Variants in AHCTF1 observed in about 807,000 individuals in gnomAD.
The protein encoded by AHCTF1 is protein ELYS.
In AHCTF1, 24 loss-of-function variants were observed where a neutral mutation model predicts 248.4. The ratio of observed to expected loss-of-function variants is 0.10; its 90% CI spans 0.07 to 0.14. The LOEUF (loss-of-function observed/expected upper bound fraction) is 0.14, where lower values mean the gene tolerates loss of function less well. AHCTF1 is among the 10% of genes least tolerant of loss of function. The probability of loss-of-function intolerance (pLI) is 1.00; values close to 1 mark genes in which losing one functional copy is unlikely to be tolerated. For missense variants in AHCTF1, 2,206 were observed against 2,636.2 expected, an observed-to-expected ratio of 0.84 and a Z score of 3.57; for synonymous variants, 786 against 929.8, an observed-to-expected ratio of 0.85 and a Z score of 2.81.
chr1:246,850,143 C>G lies in AHCTF1; in HGVS notation c.5863G>C (p.Glu1955Gln). 1 of 1,613,930 alleles carries G rather than the reference C, an allele frequency of 6.2e-7. No homozygotes were observed. The highest frequency in any genetic ancestry group is 8.5e-7 in the Non-Finnish European group (1 of 1,179,858). Residue 1955 changes from glutamate to glutamine, a missense_variant, in exon 33 of 36, where the codon GAG becomes CAG. Around this residue, in one of 6 missense-constraint regions of AHCTF1, gnomAD observed 469 missense variants for 470.0 expected, o/e 1.00. Transcript: ENST00000648844. ...GCTTGAACAGTCAACTGAGATGACT[C>G]AAGGTTGGAGTCTTCTCTCACATCT... ...PSDVREDSNLESSQLTVQAEF... is the reference protein window; with the variant it reads ...PSDVREDSNLQSSQLTVQAEF...
intron 8 of AHCTF1, among the ~76,000 whole-genome samples, chr1:246,902,012 G>T (rs1305553543): frequency 3.9e-5 from 6 of 152,126 alleles, no homozygotes. Flanking sequence ...CTTTGCAAAA[G>T]GTCTAACTAG....
intron 1 of AHCTF1, 83 bp downstream of exon 1, chr1:246,931,495 C>CGCCGCT: frequency 1.8e-6 from 1 of 568,726 alleles, no homozygotes; most frequent in Non-Finnish European, 2.2e-6. Context: ...CCGCCGCCGC[C>CGCCGCT]GCCGCCGCCG....
At chr1:246,873,272 A>G (rs1282796858) in intron 24 of AHCTF1, among the ~76,000 whole-genome samples, 1 of 152,152 alleles carries the variant, frequency 6.6e-6, no homozygotes, top group African/African-American at 2.4e-5. Flanking sequence ...GTGATAAATC[A>G]CCATATAAAA....
In AHCTF1 at chr1:246,867,901, C is replaced by CCACACACACACA. The variant is rs1553291132; in HGVS notation, c.3089-102_3089-91dup. 1.3e-5 allele frequency: 4 copies of CCACACACACACA among 313,832 alleles called. No individual in the cohort carries two copies. In the African/African-American group the frequency reaches 1.9e-4, roughly 15 times the overall value. The allele number at this position is 313,832 out of a possible 1,614,324, so 19.4% of individuals were successfully genotyped here. On this transcript the variant is annotated intron_variant, in intron 24 of 35. Transcript: ENST00000648844. ...TGAAAGAATGATTACACCCCCCCCC[C>CCACACACACACA]CACACACACACACACACACATTACG...
intron 2 of AHCTF1, among the ~76,000 whole-genome samples, chr1:246,917,326 C>G (rs982479166): frequency 4.3e-4 from 65 of 152,124 alleles, no homozygotes; most frequent in Non-Finnish European, 4.1e-4. Context: ...CTTGAGCAAC[C>G]AGATGAATGG....
chr1:246,899,927 A>G, intron 10 of AHCTF1, 138 bp downstream of exon 10: 3 of 802,474 alleles, frequency 3.7e-6, no homozygotes, highest in Non-Finnish European at 5.8e-6. Flanking sequence ...TGTATATATT[A>G]ATTTCCTAAG....
At chr1:246,908,773 T>C (rs1481699285) in intron 4 of AHCTF1, among the ~76,000 whole-genome samples, 1 of 149,664 alleles carries the variant, frequency 6.7e-6, no homozygotes, top group Non-Finnish European at 1.5e-5. Context: ...CGTGCGCCTG[T>C]AGTCCCAGCT....
intron 21 of AHCTF1, among the ~76,000 whole-genome samples, chr1:246,885,083 G>C (rs1663720581): frequency 6.6e-6 from 1 of 152,100 alleles, no homozygotes; most frequent in Non-Finnish European, 1.5e-5. Context: ...TTTTATTCAA[G>C]GTATTTATCT....
chr1:246,873,287 A>T (rs999507457), intron 24 of AHCTF1, among the ~76,000 whole-genome samples: 4 of 152,232 alleles, frequency 2.6e-5, no homozygotes, highest in Non-Finnish European at 5.9e-5. Flanking sequence ...ATAAAAAAAT[A>T]GACTCTTTCT....
At chr1:246,887,547 G>A (rs1280911576) in intron 19 of AHCTF1, among the ~76,000 whole-genome samples, 190 bp from the exon 20 acceptor site, 3 of 152,062 alleles carry the variant, frequency 2.0e-5, no homozygotes, top group Non-Finnish European at 2.9e-5. Context: ...AACCAGTCCC[G>A]CACCAACTTC....
intron 24 of AHCTF1, among the ~76,000 whole-genome samples, chr1:246,871,108 C>T (rs1464423371): frequency 6.6e-6 from 1 of 152,140 alleles, no homozygotes; most frequent in African/African-American, 2.4e-5. Context: ...AATGCTAGGA[C>T]CACTAAAAAA....
At chr1:246,899,768 G>C (rs950306864) in intron 10 of AHCTF1, among the ~76,000 whole-genome samples, 1 of 151,874 alleles carries the variant, frequency 6.6e-6, no homozygotes, top group Non-Finnish European at 1.5e-5. Flanking sequence ...AAAAATAAAA[G>C]CTACTATAAA....
chr1:246,899,589 CAG>C, intron 10 of AHCTF1, 77 bp from the exon 11 acceptor site: 1 of 1,083,082 alleles, frequency 9.2e-7, no homozygotes, highest in Non-Finnish European at 1.4e-6. Context: ...TATCCAATAA[CAG>C]ACTGCAAGGC....
intron 24 of AHCTF1, 36 bp from the exon 25 acceptor site, chr1:246,867,847 C>T: frequency 6.6e-7 from 1 of 1,519,466 alleles, no homozygotes. Flanking sequence ...AAGTGCATCT[C>T]TAACAAACGG....
intron 1 of AHCTF1, among the ~76,000 whole-genome samples, chr1:246,924,002 A>C (rs1433872842): frequency 1.3e-5 from 2 of 151,196 alleles, no homozygotes; most frequent in Non-Finnish European, 3.0e-5. Context: ...GTAGAATATA[A>C]ATCTGGCAAA....
chr1:246,861,896 C>G, intron 28 of AHCTF1, 63 bp downstream of exon 28: 1 of 1,362,406 alleles, frequency 7.3e-7, no homozygotes, highest in Non-Finnish European at 1.0e-6. Flanking sequence ...TAACTTTTTA[C>G]TTGTCAGAGC....
At chr1:246,849,479 A>T in intron 33 of AHCTF1, 136 bp downstream of exon 33, 2 of 1,069,006 alleles carry the variant, frequency 1.9e-6, no homozygotes, top group Non-Finnish European at 2.7e-6. Context: ...TTTAAACTTT[A>T]CTACTAAAAG....
At chr1:246,898,142 T>C in intron 12 of AHCTF1, 66 bp downstream of exon 12, 1 of 1,586,606 alleles carries the variant, frequency 6.3e-7, no homozygotes, top group Non-Finnish European at 8.6e-7. Context: ...AATACATTTT[T>C]ACTGTAATAG....
chr1:246,850,132 C>G lies in AHCTF1; in HGVS notation c.5874G>C (p.Gln1958His), dbSNP rs1310515670. Reference protein sequence around the residue: ...VREDSNLESSQLTVQAEFDMS... With the variant: ...VREDSNLESSHLTVQAEFDMS... ...TATCAAATTCTGCTTGAACAGTCAA[C>G]TGAGATGACTCAAGGTTGGAGTCTT... The change falls in exon 33 of 36, where the codon CAG becomes CAC. Residue 1958 changes from glutamine (Q) to histidine (H), a missense_variant. By Grantham distance (24) the Gln-to-His change is conservative. Coordinates refer to ENST00000648844, the MANE Select transcript of AHCTF1 (RefSeq NM_001323342.2). 1 of 1,613,950 alleles carries G rather than the reference C, an allele frequency of 6.2e-7. No homozygotes were observed. The highest frequency in any genetic ancestry group is 8.5e-7 in the Non-Finnish European group (1 of 1,179,866).
Sources: gnomAD v4.1 joint callset for allele counts (sites outside exome capture counted in the v4.1 genomes callset) on GRCh38, gnomAD v4.1.1 for gene constraint, gnomAD v4.1.1 regional missense constraint, MANE v1.5 for transcripts, NCBI Gene and HGNC (gene_info 2026-07-23, HGNC 2026-07-21) for gene names.